Variants in KTN1 observed in about 807,000 individuals in gnomAD.
The protein encoded by KTN1 is kinectin 1, also known as kinectin.
Under a neutral mutation model 222.5 loss-of-function variants are expected in KTN1, and 130 were observed. The observed-to-expected ratio is 0.58, with a 90% CI of 0.51 to 0.68. KTN1 has a LOEUF of 0.68. Among genes scored for constraint, KTN1 ranks in the 30% least tolerant of loss-of-function variants. The probability of loss-of-function intolerance (pLI) is 0.00; values close to 1 mark genes in which losing one functional copy is unlikely to be tolerated. For missense variants in KTN1, 1,508 were observed against 1,500.4 expected, an observed-to-expected ratio of 1.01 and a Z score of -0.08; for synonymous variants, 512 against 496.3, an observed-to-expected ratio of 1.03 and a Z score of -0.42.
chr14:55,639,255 G>T, intron 13 of KTN1, 33 bp downstream of exon 13: 1 of 1,488,924 alleles, frequency 6.7e-7, no homozygotes, highest in Non-Finnish European at 9.4e-7. Flanking sequence ...TTATAATTGT[G>T]TAGTCACCAC....
intron 1 of KTN1, among the ~76,000 whole-genome samples, chr14:55,590,057 T>A (rs1421960986): frequency 1.3e-5 from 2 of 152,226 alleles, no homozygotes; most frequent in Non-Finnish European, 2.9e-5. Flanking sequence ...TAAACATTTT[T>A]AATAGATTTC....
chr14:55,640,836 T>C (rs368120638), intron 15 of KTN1, 97 bp from the exon 16 acceptor site: 4 of 979,442 alleles, frequency 4.1e-6, no homozygotes, highest in Non-Finnish European at 4.7e-6. Context: ...TTCAAATATA[T>C]GGAAATACAG....
At chr14:55,644,188 G>T in intron 18 of KTN1, 19 of 408,862 alleles carry the variant, frequency 4.6e-5, no homozygotes, top group East Asian at 7.3e-5. Context: ...GTTGCTGCTA[G>T]TGAAAGAAGA....
intron 28 of KTN1, among the ~76,000 whole-genome samples, chr14:55,654,214 G>A (rs1385291645): frequency 6.6e-6 from 1 of 151,904 alleles, no homozygotes; most frequent in Admixed American, 6.6e-5. Flanking sequence ...GATCTTTTTG[G>A]CCCCCTTTAA....
intron 1 of KTN1, among the ~76,000 whole-genome samples, chr14:55,598,459 G>C (rs1465790481): frequency 4.7e-5 from 7 of 149,246 alleles, no homozygotes; most frequent in African/African-American, 1.5e-4. Flanking sequence ...AAAGAATATT[G>C]GTTCCTCAAT....
intron 41 of KTN1, among the ~76,000 whole-genome samples, chr14:55,676,879 T>G (rs1463659570): frequency 6.6e-6 from 1 of 152,148 alleles, no homozygotes; most frequent in African/African-American, 2.4e-5. Flanking sequence ...TGGGTCTGTT[T>G]TAGAGGACAA....
At chr14:55,629,121 A>C (rs1444110488) in intron 6 of KTN1, among the ~76,000 whole-genome samples, 1 of 152,212 alleles carries the variant, frequency 6.6e-6, no homozygotes, top group Non-Finnish European at 1.5e-5. Context: ...CCCTCATTTA[A>C]GATTTGACTT....
chr14:55,629,252 T>C lies in KTN1; in HGVS notation c.1081-705T>C, dbSNP rs554730366. 1.1e-4 allele frequency among the ~76,000 whole-genome samples: 16 copies of C among 151,596 alleles called. No individual in the cohort carries two copies. In the East Asian group the frequency reaches 2.7e-3, roughly 26 times the overall value. On this transcript the variant is annotated intron_variant, in intron 6 of 43. Coordinates refer to ENST00000395314, the MANE Select transcript of KTN1 (RefSeq NM_001079521.2). The stretch of plus-strand genomic sequence containing the variant: ...TAACAGGGTGAAACCCCGTCTCTAA[T>C]AAAAATACAAAAAAAATTAGCCGGG...
At chr14:55,622,976 C>A (rs1435854222) in intron 5 of KTN1, among the ~76,000 whole-genome samples, 1 of 152,172 alleles carries the variant, frequency 6.6e-6, no homozygotes, top group Non-Finnish European at 1.5e-5. Context: ...TTCTGTCATA[C>A]CAGACTTGTT....
Position 55,678,363 on chromosome 14 carries a change from A to G in KTN1, c.3867A>G (p.Ser1289=), listed in dbSNP as rs2046062887. 1.2e-6 allele frequency: 2 copies of G among 1,604,264 alleles called. No homozygotes were observed. Among genetic ancestry groups the G allele is most frequent in the Admixed American group, 1.7e-5 (1 of 60,004 alleles). ...VAGDLHKAQQ[S]LELIQSKIVK... is the part of the protein sequence containing the mutation. ...TGTTTTCCTTATAGGCTCAACAGTC[A>G]CTGGAGCTTATCCAGTCAAAAATAG... The change falls in exon 42 of 44, where the codon TCA becomes TCG. Residue 1289 remains serine, a synonymous_variant. Transcript: ENST00000395314.
chr14:55,659,306 T>TG lies in KTN1; in HGVS notation c.2962-359dup, dbSNP rs200853822. Among the ~76,000 whole-genome samples, 482 of 147,952 alleles carry TG rather than the reference T, an allele frequency of 3.3e-3. 1 individual carries two copies. The highest frequency in any genetic ancestry group is 0.014 in the East Asian group (72 of 5,112). ...TTGTCCTAGTTTTGCTTTTGATTTC[T>TG]GTTTTTTTTTTTTTTTTTTAACTTG... On this transcript the variant is annotated intron_variant, in intron 30 of 43. Coordinates refer to ENST00000395314, the MANE Select transcript of KTN1 (RefSeq NM_001079521.2).
In KTN1 at chr14:55,609,011, C is replaced by G. The variant is rs576624218; in HGVS notation, c.-30-3008C>G. ...TTGGGATTGTTGGGTTAAAGGAATGCAAACATTTTCTTCTTTTTTATTCTT... is the reference window on the plus strand; with the variant it reads ...TTGGGATTGTTGGGTTAAAGGAATGGAAACATTTTCTTCTTTTTTATTCTT... On this transcript the variant is annotated intron_variant, in intron 1 of 43. Transcript: ENST00000395314. Among the ~76,000 whole-genome samples, 6 of 151,036 alleles carry G rather than the reference C, an allele frequency of 4.0e-5. No individual in the cohort carries two copies. The East Asian group carries it at 1.2e-3, about 29-fold the overall frequency.
chr14:55,602,126 TAA>T (rs1307448285), intron 1 of KTN1, among the ~76,000 whole-genome samples: 16 of 152,370 alleles, frequency 1.1e-4, no homozygotes, highest in African/African-American at 3.6e-4. Context: ...TGATTAGAAA[TAA>T]CTTAGAGCAA....
chr14:55,644,457 T>C (rs1485462487), intron 18 of KTN1: 1 of 701,104 alleles, frequency 1.4e-6, no homozygotes, highest in Non-Finnish European at 2.6e-6. Context: ...AGTTAACCTG[T>C]TGATACCCTA....
chr14:55,680,794 A>G (rs539248363), intron 43 of KTN1: 11 of 947,514 alleles, frequency 1.2e-5, no homozygotes, highest in Admixed American at 1.9e-5. Flanking sequence ...TCATTCTTCA[A>G]CATATCAACA....
At chr14:55,592,613 G>T (rs2034339872) in intron 1 of KTN1, among the ~76,000 whole-genome samples, 1 of 152,152 alleles carries the variant, frequency 6.6e-6, no homozygotes, top group Admixed American at 6.5e-5. Context: ...CTGTATGTAG[G>T]AGTGTTTTGA....
chr14:55,608,579 T>G (rs1167744156), intron 1 of KTN1, among the ~76,000 whole-genome samples: 1 of 152,150 alleles, frequency 6.6e-6, no homozygotes, highest in East Asian at 1.9e-4. Context: ...ATCATTCTGA[T>G]TTTGAATGTT....
chr14:55,652,565 AT>A (rs573196357), intron 25 of KTN1, among the ~76,000 whole-genome samples: 30 of 151,600 alleles, frequency 2.0e-4, no homozygotes, highest in Non-Finnish European at 2.7e-4. Flanking sequence ...CGCCCGGCTA[AT>A]TTTTTTGTAT....
At chr14:55,652,460 A>G (rs1017019799) in intron 25 of KTN1, among the ~76,000 whole-genome samples, 5 of 136,872 alleles carry the variant, frequency 3.7e-5, no homozygotes, top group East Asian at 2.1e-4. Context: ...GTGCAGTGGC[A>G]TGATCTCGGC....
Sources: gnomAD v4.1 joint callset for allele counts (sites outside exome capture counted in the v4.1 genomes callset) on GRCh38, gnomAD v4.1.1 for gene constraint, MANE v1.5 for transcripts, NCBI Gene and HGNC (gene_info 2026-07-23, HGNC 2026-07-21) for gene names.